The following TJP1 variants were observed in gnomAD, a reference collection of about 807,000 sequenced individuals.
TJP1 encodes the protein tight junction protein 1.
Under a neutral mutation model 194.2 loss-of-function variants are expected in TJP1, and 43 were observed. That is an observed-to-expected ratio of 0.22 (90% CI 0.17 to 0.29). The LOEUF (loss-of-function observed/expected upper bound fraction) is 0.29. Ranked by LOEUF, TJP1 falls within the 10% of genes least tolerant of loss-of-function variation. The probability of loss-of-function intolerance (pLI) is 1.00; values close to 1 mark genes in which losing one functional copy is unlikely to be tolerated. For missense variants in TJP1, 1,971 were observed against 2,185.7 expected (o/e 0.90, Z 1.96); for synonymous variants, 801 against 779.0 (o/e 1.03, Z -0.47).
intron 2 of TJP1, among the ~76,000 whole-genome samples, chr15:29,915,469 G>A (rs567409428): frequency 1.3e-5 from 2 of 152,136 alleles, no homozygotes; most frequent in African/African-American, 4.8e-5. Flanking sequence ...CCTTCCAACT[G>A]GAAAATCATT....
chr15:29,712,328 T>C (rs1377807578), intron 23 of TJP1, among the ~76,000 whole-genome samples: 1 of 152,206 alleles, frequency 6.6e-6, no homozygotes, highest in African/African-American at 2.4e-5. Flanking sequence ...GGACACCTTA[T>C]GGAACAGCCT....
At chr15:29,875,002 ATCTGCC>A (rs1410791953) in intron 2 of TJP1, among the ~76,000 whole-genome samples, 1 of 152,248 alleles carries the variant, frequency 6.6e-6, no homozygotes, top group Non-Finnish European at 1.5e-5. Context: ...TGTATTGAAC[ATCTGCC>A]TGTGGCTAGG....
intron 2 of TJP1, among the ~76,000 whole-genome samples, chr15:29,834,654 A>G (rs1421189708): frequency 6.6e-6 from 1 of 152,230 alleles, no homozygotes; most frequent in African/African-American, 2.4e-5. Context: ...AATATGGTGA[A>G]CGGAAAGAAT....
In TJP1 at chr15:29,700,512, G is replaced by A. The variant is rs1213116861; in HGVS notation, c.*1083C>T. On this transcript the variant is annotated 3_prime_UTR_variant, in exon 28 of 28. Coordinates refer to ENST00000614355, the MANE Select transcript of TJP1 (RefSeq NM_001330239.4). ...CTGCTTTATTGCTGCAGAGGTCAAA[G>A]TTCAAGGCTCAAGAGGTACAGGAGA... The A allele has an allele frequency of 2.0e-5, 8 of 398,732 alleles. No individual in the cohort carries two copies. Among genetic ancestry groups the A allele is most frequent in the Non-Finnish European group, 2.7e-5 (6 of 226,012 alleles). 24.7% of individuals were successfully genotyped at this position (398,732 alleles called of 1,614,324 possible).
At position 29,761,584 on chromosome 15, in the gene TJP1, A is replaced by C. The variant is rs1260513406; in HGVS notation, c.862+17T>G. The C allele has an allele frequency of 6.3e-7, 1 of 1,579,878 alleles. No homozygotes were observed. The highest frequency in any genetic ancestry group is 1.4e-5 in the African/African-American group (1 of 74,024). On this transcript the variant is annotated intron_variant, in intron 7 of 27. Coordinates refer to ENST00000614355, the MANE Select transcript of TJP1 (RefSeq NM_001330239.4). ...ATAGGTCACTTAGAGGGAACGTTCA[A>C]ACAGAATCACACTCACCGTCTCTCT... is the stretch of plus-strand genomic sequence containing the variant.
chr15:29,779,880 C>T (rs950901868), intron 2 of TJP1, among the ~76,000 whole-genome samples: 8 of 151,704 alleles, frequency 5.3e-5, no homozygotes, highest in East Asian at 1.9e-4. Flanking sequence ...CAAAATGCAA[C>T]GAGGAGGGGA....
At chr15:29,768,776 G>C (rs541933758) in intron 4 of TJP1, among the ~76,000 whole-genome samples, 1 of 152,044 alleles carries the variant, frequency 6.6e-6, no homozygotes, top group South Asian at 2.1e-4. Flanking sequence ...ATAATAATTA[G>C]TAGGTGTGAC....
At chr15:29,814,344 T>C (rs2049747460) in intron 1 of TJP1, among the ~76,000 whole-genome samples, 1 of 152,180 alleles carries the variant, frequency 6.6e-6, no homozygotes, top group South Asian at 2.1e-4. Context: ...CATTACAGCG[T>C]ATAGCAGTTG....
intron 2 of TJP1, among the ~76,000 whole-genome samples, chr15:29,884,391 C>G (rs1026915739): frequency 2.6e-5 from 4 of 152,134 alleles, no homozygotes; most frequent in Non-Finnish European, 4.4e-5. Context: ...CAGACATCTA[C>G]AGTGTTACCA....
At chr15:29,703,275 C>A (rs963184646) in intron 27 of TJP1, among the ~76,000 whole-genome samples, 1 of 151,984 alleles carries the variant, frequency 6.6e-6, no homozygotes, top group Non-Finnish European at 1.5e-5. Flanking sequence ...CATGGTGAAA[C>A]CCCGTCTCTA....
chr15:29,743,903 G>A (rs114789871), intron 8 of TJP1, among the ~76,000 whole-genome samples: 3,538 of 152,248 alleles, frequency 0.023, 49 homozygotes, highest in South Asian at 0.054. Flanking sequence ...ATTATCGGCC[G>A]GGCACAGTAG....
chr15:29,932,169 C>T (rs1037888850), intron 2 of TJP1, among the ~76,000 whole-genome samples: 12 of 152,226 alleles, frequency 7.9e-5, no homozygotes, highest in African/African-American at 2.9e-4. Flanking sequence ...ATCTCAGCCT[C>T]ATTTTACCCA....
intron 2 of TJP1, among the ~76,000 whole-genome samples, chr15:29,877,288 C>T (rs2052737511): frequency 6.6e-6 from 1 of 152,258 alleles, no homozygotes. Context: ...GTGATCACGG[C>T]TTACTGCAGC....
intron 2 of TJP1, among the ~76,000 whole-genome samples, chr15:29,888,935 G>A (rs1283599249): frequency 6.6e-6 from 1 of 152,218 alleles, no homozygotes; most frequent in Admixed American, 6.5e-5. Flanking sequence ...AGCAGGGATG[G>A]ACTGGATCTA....
Position 29,716,776 on chromosome 15 carries a change from T to C in TJP1, c.4037A>G (p.Tyr1346Cys). The C allele has an allele frequency of 5.0e-6, 8 of 1,614,152 alleles. No individual in the cohort carries two copies. The highest frequency in any genetic ancestry group is 6.8e-6 in the Non-Finnish European group (8 of 1,179,976). ...ATATTCTTCATCTTCTTCAGGGTCA[T>C]AATGATTGGACCGAACAATATCTTC... ...PPEDIVRSNH[Y>C]DPEEDEEYYR... The change falls in exon 23 of 28, where the codon TAT (tyrosine) becomes TGT (cysteine). Residue 1346 changes from tyrosine (Y) to cysteine (C), a missense_variant. Transcript: ENST00000614355.
intron 2 of TJP1, among the ~76,000 whole-genome samples, chr15:29,896,729 C>G (rs2053488590): frequency 6.6e-6 from 1 of 152,148 alleles, no homozygotes; most frequent in African/African-American, 2.4e-5. Flanking sequence ...AGATGAGGAA[C>G]TTGTTGGGAA....
Position 29,718,785 on chromosome 15 carries a change from A to T in TJP1, c.3357T>A (p.His1119Gln), listed in dbSNP as rs752215785. ...QHSQDLDSRQ[H>Q]PEESSERGYF... The stretch of plus-strand genomic sequence containing the variant: ...ACCCTCGTTCTGAGGACTCTTCGGG[A>T]TGCTGTCTGGAGTCAAGGTCTTGAG... The change falls in exon 21 of 28, where the codon CAT (histidine) becomes CAA (glutamine). Residue 1119 changes from histidine to glutamine, a missense_variant. Physicochemically the swap from His to Gln is conservative, Grantham distance 24. Around this residue, in one of 5 missense-constraint regions of TJP1, gnomAD observed 1,108 missense variants for 1,128.5 expected, o/e 0.98. Transcript: ENST00000614355. 1 of 1,614,110 alleles carries T rather than the reference A, an allele frequency of 6.2e-7. No homozygotes were observed. Among genetic ancestry groups the T allele is most frequent in the Non-Finnish European group, 8.5e-7 (1 of 1,180,032 alleles).
intron 11 of TJP1, among the ~76,000 whole-genome samples, chr15:29,736,440 G>C (rs2044040523): frequency 6.6e-6 from 1 of 152,240 alleles, no homozygotes; most frequent in Admixed American, 6.5e-5. Flanking sequence ...AGTACAGAAA[G>C]AGACCAGAAT....
intron 2 of TJP1, 141 bp downstream of exon 2, chr15:29,800,505 G>A (rs2048711382): frequency 1.4e-6 from 1 of 724,148 alleles, no homozygotes; most frequent in Non-Finnish European, 2.3e-6. Context: ...AAAAATTATT[G>A]TAACTCTAAT....
Sources: gnomAD v4.1 joint callset for allele counts (sites outside exome capture counted in the v4.1 genomes callset) on GRCh38, gnomAD v4.1.1 for gene constraint, gnomAD v4.1.1 regional missense constraint, MANE v1.5 for transcripts, NCBI Gene and HGNC (gene_info 2026-07-23, HGNC 2026-07-21) for gene names.